Variants in CDH13 observed in about 807,000 individuals in gnomAD.
CDH13 encodes the protein cadherin 13, also known as cadherin-13.
CDH13 carries 24 observed loss-of-function variants against 63.8 expected under a neutral mutation model. The ratio of observed to expected loss-of-function variants is 0.38; its 90% CI spans 0.27 to 0.53. CDH13 has a LOEUF of 0.53. Among genes scored for constraint, CDH13 ranks in the 20% least tolerant of loss-of-function variants. CDH13 has a pLI of 0.85. For missense variants in CDH13, 1,049 were observed against 903.1 expected, an observed-to-expected ratio of 1.16 and a Z score of -2.07; for synonymous variants, 503 against 355.3, an observed-to-expected ratio of 1.42 and a Z score of -4.67.
At chr16:83,730,320 T>C (rs994781991) in intron 10 of CDH13, among the ~76,000 whole-genome samples, 1 of 152,202 alleles carries the variant, frequency 6.6e-6, no homozygotes, top group Non-Finnish European at 1.5e-5. Context: ...GGGACCTCAT[T>C]TGATGTTATT....
chr16:83,299,043 G>C (rs1032480911), intron 5 of CDH13, among the ~76,000 whole-genome samples: 1 of 152,088 alleles, frequency 6.6e-6, no homozygotes, highest in Non-Finnish European at 1.5e-5. Context: ...CAAAAGATAA[G>C]CAATGTCAGT....
chr16:83,350,889 T>G (rs1481749827), intron 6 of CDH13, among the ~76,000 whole-genome samples: 2 of 152,188 alleles, frequency 1.3e-5, no homozygotes, highest in African/African-American at 4.8e-5. Context: ...TCCTTTAATT[T>G]TTAAACACAT....
intron 3 of CDH13, among the ~76,000 whole-genome samples, chr16:83,080,193 A>G (rs538081272): frequency 2.4e-4 from 36 of 152,224 alleles, no homozygotes; most frequent in Middle Eastern, 6.8e-3. Context: ...CATGGTGGGA[A>G]AGAGCCCTTC....
At chr16:83,013,658 A>G (rs1914386125) in intron 2 of CDH13, among the ~76,000 whole-genome samples, 1 of 152,214 alleles carries the variant, frequency 6.6e-6, no homozygotes, top group South Asian at 2.1e-4. Context: ...TATTCCTCAG[A>G]GTTAGATGTC....
intron 2 of CDH13, among the ~76,000 whole-genome samples, chr16:83,019,254 CTCTTTT>C (rs1370808861): frequency 4.6e-5 from 7 of 151,904 alleles, no homozygotes; most frequent in Non-Finnish European, 8.8e-5. Context: ...TAAATGTTTT[CTCTTTT>C]TCTTTTTCAC....
intron 2 of CDH13, among the ~76,000 whole-genome samples, chr16:82,882,498 C>G (rs543278559): frequency 6.6e-6 from 1 of 152,294 alleles, no homozygotes; most frequent in Admixed American, 6.5e-5. Flanking sequence ...CAGCTGTGAA[C>G]CATGGTCACC....
chr16:83,079,059 T>G (rs912869206), intron 3 of CDH13, among the ~76,000 whole-genome samples: 6 of 152,140 alleles, frequency 3.9e-5, no homozygotes, highest in Non-Finnish European at 7.3e-5. Context: ...CCTACGAAAG[T>G]GCTGGGATTA....
At chr16:83,107,486 C>A (rs114271708) in intron 3 of CDH13, among the ~76,000 whole-genome samples, 1 of 152,302 alleles carries the variant, frequency 6.6e-6, no homozygotes, top group African/African-American at 2.4e-5. Flanking sequence ...CCAATGCAGC[C>A]TTCTTTCCAG....
chr16:83,464,442 G>A (rs978294788), intron 6 of CDH13, among the ~76,000 whole-genome samples: 2 of 152,226 alleles, frequency 1.3e-5, no homozygotes, highest in African/African-American at 4.8e-5. Context: ...AACCGAGGAG[G>A]TGGAGGTTGC....
chr16:82,774,827 C>G (rs1330994147), intron 1 of CDH13, among the ~76,000 whole-genome samples: 1 of 152,212 alleles, frequency 6.6e-6, no homozygotes, highest in Non-Finnish European at 1.5e-5. Context: ...TGTTCCTGCA[C>G]CTGGTGGGGC....
intron 2 of CDH13, among the ~76,000 whole-genome samples, chr16:83,026,303 G>A (rs1172827804): frequency 6.6e-6 from 1 of 152,210 alleles, no homozygotes; most frequent in Non-Finnish European, 1.5e-5. Context: ...GGCTGTAGAG[G>A]CAGAATGAAC....
intron 7 of CDH13, among the ~76,000 whole-genome samples, chr16:83,560,799 C>T (rs565229778): frequency 8.3e-5 from 12 of 144,742 alleles, no homozygotes; most frequent in East Asian, 6.2e-4. Flanking sequence ...CAATGATTGA[C>T]GCAACCTTAA....
chr16:83,434,881 GTA>G lies in CDH13; in HGVS notation c.782-51594_782-51593del, dbSNP rs1267065192. Among the ~76,000 whole-genome samples the G allele has an allele frequency of 6.0e-3, 540 of 90,652 alleles. 8 individuals carry two copies. The East Asian group carries it at 0.087, about 15-fold the overall frequency. 59.5% of individuals were successfully genotyped at this position (90,652 alleles called of 152,430 possible). The stretch of plus-strand genomic sequence containing the variant: ...CGTGTGTGTGTGTGTGTGTGTGTGT[GTA>G]TGTGTATTTAAAATAAACCCCTATT... On this transcript the variant is annotated intron_variant, in intron 6 of 13. Coordinates refer to ENST00000567109, the MANE Select transcript of CDH13 (RefSeq NM_001257.5).
At chr16:83,106,076 T>G (rs2034749525) in intron 3 of CDH13, among the ~76,000 whole-genome samples, 1 of 152,268 alleles carries the variant, frequency 6.6e-6, no homozygotes, top group Non-Finnish European at 1.5e-5. Context: ...TTTGTCAATA[T>G]GTTACAGGAC....
chr16:83,425,984 A>G (rs1206608179), intron 6 of CDH13, among the ~76,000 whole-genome samples: 4 of 152,238 alleles, frequency 2.6e-5, no homozygotes, highest in Non-Finnish European at 4.4e-5. Context: ...GATATATAGT[A>G]AATTAAATTA....
intron 8 of CDH13, among the ~76,000 whole-genome samples, chr16:83,608,838 T>C (rs141716277): frequency 3.3e-5 from 5 of 152,016 alleles, no homozygotes; most frequent in Non-Finnish European, 1.5e-5. Flanking sequence ...AAATATTGTG[T>C]TAATTAACTG....
At chr16:82,671,802 C>T (rs1230058774) in intron 1 of CDH13, among the ~76,000 whole-genome samples, 1 of 151,484 alleles carries the variant, frequency 6.6e-6, no homozygotes, top group Non-Finnish European at 1.5e-5. Context: ...CTTTTCTATT[C>T]ATGACCCTTT....
At chr16:83,203,106 C>G (rs1486699978) in intron 4 of CDH13, among the ~76,000 whole-genome samples, 4 of 152,174 alleles carry the variant, frequency 2.6e-5, no homozygotes, top group Admixed American at 2.0e-4. Flanking sequence ...CGCCTGTAAT[C>G]TTAGCTACTT....
At chr16:83,357,731 A>G (rs550995956) in intron 6 of CDH13, among the ~76,000 whole-genome samples, 9 of 152,238 alleles carry the variant, frequency 5.9e-5, no homozygotes, top group Non-Finnish European at 7.3e-5. Context: ...AGTAGTGCCA[A>G]TGTTTCTCCC....
Sources: gnomAD v4.1 joint callset for allele counts (sites outside exome capture counted in the v4.1 genomes callset) on GRCh38, gnomAD v4.1.1 for gene constraint, MANE v1.5 for transcripts, NCBI Gene and HGNC (gene_info 2026-07-23, HGNC 2026-07-21) for gene names.